NRXN1: variants seen among roughly 807,000 people sequenced by gnomAD.
NRXN1 encodes neurexin 1.
NRXN1 carries 39 observed loss-of-function variants against 150.9 expected under a neutral mutation model. That is an observed-to-expected ratio of 0.26 (90% CI 0.20 to 0.34). The LOEUF is 0.34. NRXN1 is among the 10% of genes least tolerant of loss of function. NRXN1 has a pLI of 1.00. For missense variants in NRXN1, 1,815 were observed against 1,949.9 expected (o/e 0.93, Z 1.30); for synonymous variants, 924 against 757.0 (o/e 1.22, Z -3.62).
chr2:50,938,378 C>T (rs763112943), intron 2 of NRXN1, among the ~76,000 whole-genome samples: 1 of 151,962 alleles, frequency 6.6e-6, no homozygotes, highest in Non-Finnish European at 1.5e-5. Context: ...TGTTATGCCA[C>T]ACCTGACTTC....
At chr2:49,969,592 A>C (rs1273845630) in intron 21 of NRXN1, 1 of 152,044 alleles carries the variant, frequency 6.6e-6, no homozygotes, top group Non-Finnish European at 1.5e-5. Context: ...ATTTGCATAT[A>C]AAGTATTTTT....
Position 50,614,562 on chromosome 2 carries a change from A to G in NRXN1, c.1320+5460T>C, listed in dbSNP as rs990347853. Among the ~76,000 whole-genome samples the G allele has an allele frequency of 2.0e-5, 3 of 151,450 alleles. No homozygotes were observed. In the East Asian group the frequency reaches 5.8e-4, roughly 29 times the overall value. On this transcript the variant is annotated intron_variant, in intron 8 of 22. Transcript: ENST00000401669. ...AATGACGAGTTAATGGGTGCAGCACACCAACATGACACATGTATACATATG... is the reference window on the plus strand; with the variant it reads ...AATGACGAGTTAATGGGTGCAGCACGCCAACATGACACATGTATACATATG...
chr2:50,084,336 G>A (rs921721554), intron 19 of NRXN1, among the ~76,000 whole-genome samples: 6 of 152,172 alleles, frequency 3.9e-5, no homozygotes, highest in Non-Finnish European at 8.8e-5. Context: ...GCGGACTGCA[G>A]GTTCCGAGCC....
At chr2:49,972,733 T>C (rs911001487) in intron 21 of NRXN1, 2 of 152,176 alleles carry the variant, frequency 1.3e-5, no homozygotes, top group Non-Finnish European at 2.9e-5. Context: ...AAGCGAGGGC[T>C]ATCTAATTTA....
chr2:50,277,736 C>A (rs1406435548), intron 17 of NRXN1, among the ~76,000 whole-genome samples: 1 of 152,022 alleles, frequency 6.6e-6, no homozygotes, highest in Non-Finnish European at 1.5e-5. Context: ...CCTTTAAATT[C>A]ACAGTGCTTT....
chr2:50,372,731 G>A (rs1326858838), intron 17 of NRXN1, among the ~76,000 whole-genome samples: 2 of 152,042 alleles, frequency 1.3e-5, no homozygotes, highest in Non-Finnish European at 2.9e-5. Flanking sequence ...CTTTAGTGAT[G>A]TAGCAACAAT....
In NRXN1 at chr2:50,473,024, G is replaced by A. The variant is rs79255799; in HGVS notation, c.3071-553C>T. Among the ~76,000 whole-genome samples the A allele has an allele frequency of 7.5e-3, 1,146 of 151,944 alleles. 12 individuals carry two copies. Among genetic ancestry groups the A allele is most frequent in the African/African-American group, 0.026 (1,087 of 41,476 alleles). Reference sequence around the variant, plus strand: ...ATTCACCTTCTGCTTAGAGATCTCTGTGTCTTCCATTTCATCAGAAGTTCA... The same window carrying A: ...ATTCACCTTCTGCTTAGAGATCTCTATGTCTTCCATTTCATCAGAAGTTCA... On this transcript the variant is annotated intron_variant, in intron 15 of 22. Coordinates refer to ENST00000401669, the MANE Select transcript of NRXN1 (RefSeq NM_001330078.2).
chr2:50,891,555 G>A (rs1681069385), intron 5 of NRXN1, among the ~76,000 whole-genome samples: 1 of 152,060 alleles, frequency 6.6e-6, no homozygotes, highest in Non-Finnish European at 1.5e-5. Flanking sequence ...AACTGCTCAA[G>A]AGGTAGACTT....
At chr2:50,649,256 A>T (rs1392812278) in intron 5 of NRXN1, among the ~76,000 whole-genome samples, 1 of 102,856 alleles carries the variant, frequency 9.7e-6, no homozygotes, top group Non-Finnish European at 2.0e-5. Context: ...ACACATACAC[A>T]CATACACACA....
chr2:50,219,585 T>A (rs2063653787), intron 18 of NRXN1, among the ~76,000 whole-genome samples: 1 of 151,682 alleles, frequency 6.6e-6, no homozygotes, highest in Non-Finnish European at 1.5e-5. Flanking sequence ...TACTAGTGTC[T>A]CACTTTAAAG....
At chr2:50,202,305 G>A (rs774088345) in intron 18 of NRXN1, among the ~76,000 whole-genome samples, 1 of 152,162 alleles carries the variant, frequency 6.6e-6, no homozygotes, top group Non-Finnish European at 1.5e-5. Context: ...AGGAGATCGA[G>A]GCCACCCTGG....
chr2:50,889,415 A>C (rs893341807), intron 5 of NRXN1, among the ~76,000 whole-genome samples: 1 of 151,750 alleles, frequency 6.6e-6, no homozygotes, highest in African/African-American at 2.4e-5. Flanking sequence ...TTGTACACAG[A>C]GCAAATGCTC....
chr2:50,552,968 C>G lies in NRXN1; in HGVS notation c.1378G>C (p.Asp460His). 6.2e-7 allele frequency: 1 copy of G among 1,613,602 alleles called. No individual in the cohort carries two copies. Residue 460 changes from aspartate (D) to histidine (H), a missense_variant, in exon 9 of 23, where the codon GAT becomes CAT. Physicochemically the swap from Asp to His is moderately conservative, Grantham distance 81 (BLOSUM62 -1). Coordinates refer to ENST00000401669, the MANE Select transcript of NRXN1 (RefSeq NM_001330078.2). ...LELSRLAKQG[D>H]PKMKIHGVVA... Reference sequence around the variant, plus strand: ...ACTCCATGGATCTTCATCTTAGGATCTCCTTGCTTGGCAAGTCGAGATAAT... The same window carrying G: ...ACTCCATGGATCTTCATCTTAGGATGTCCTTGCTTGGCAAGTCGAGATAAT...
chr2:50,093,455 A>ATT (rs141880572), intron 18 of NRXN1, among the ~76,000 whole-genome samples: 1 of 73,970 alleles, frequency 1.4e-5, no homozygotes, highest in Non-Finnish European at 2.6e-5. Flanking sequence ...CGTCTTTACT[A>ATT]TTAAAAAAAA....
chr2:50,924,789 A>T (rs1558430963), intron 3 of NRXN1, among the ~76,000 whole-genome samples: 2 of 151,690 alleles, frequency 1.3e-5, no homozygotes, highest in Non-Finnish European at 3.0e-5. Context: ...AGCAATTATA[A>T]TATTATCCAT....
rs1379918660 is a variant in NRXN1, at chr2:50,940,640, T to C, written c.773-14685A>G. On this transcript the variant is annotated intron_variant, in intron 2 of 22. Coordinates refer to ENST00000401669, the MANE Select transcript of NRXN1 (RefSeq NM_001330078.2). ...TTCAGATAACAAACAAGATGAAAGT[T>C]GCATACTCCTTACTTAAGGATAGTA... Among the ~76,000 whole-genome samples the C allele has an allele frequency of 2.6e-5, 4 of 152,284 alleles. No individual in the cohort carries two copies. The East Asian group carries it at 7.7e-4, about 29-fold the overall frequency.
chr2:50,657,158 T>C (rs2104607837), intron 5 of NRXN1, among the ~76,000 whole-genome samples: 1 of 152,114 alleles, frequency 6.6e-6, no homozygotes, highest in South Asian at 2.1e-4. Context: ...TGTGGGCTCA[T>C]CTTCAATACT....
chr2:50,648,361 T>G (rs1348017673), intron 5 of NRXN1, among the ~76,000 whole-genome samples: 2 of 152,068 alleles, frequency 1.3e-5, no homozygotes, highest in East Asian at 3.9e-4. Context: ...TAGTTCTATT[T>G]CTGAGTTATA....
At chr2:50,743,400 T>G (rs1306706556) in intron 5 of NRXN1, among the ~76,000 whole-genome samples, 2 of 152,198 alleles carry the variant, frequency 1.3e-5, no homozygotes, top group Non-Finnish European at 2.9e-5. Flanking sequence ...AGCATTTTTT[T>G]GTCAGAAAAT....
Sources: allele counts gnomAD v4.1 joint callset (sites outside exome capture counted in the v4.1 genomes callset), GRCh38; gene constraint gnomAD v4.1.1; transcripts MANE v1.5; gene names NCBI Gene and HGNC (gene_info 2026-07-23, HGNC 2026-07-21).